SORCS3: variants seen among roughly 807,000 people sequenced by gnomAD.
SORCS3 encodes VPS10 domain-containing receptor SorCS3.
A neutral mutation model predicts 146.3 loss-of-function variants in SORCS3; 57 were observed. That is an observed-to-expected ratio of 0.39 (90% confidence interval 0.31 to 0.49). The LOEUF (loss-of-function observed/expected upper bound fraction) is 0.49. Among genes scored for constraint, SORCS3 ranks in the 20% least tolerant of loss-of-function variants. The pLI is 0.92. For missense variants in SORCS3, 1,341 were observed against 1,575.5 expected (o/e 0.85, Z 2.52); for synonymous variants, 653 against 618.5 (o/e 1.06, Z -0.83).
At chr10:104,975,444 A>G (rs563699816) in intron 3 of SORCS3, among the ~76,000 whole-genome samples, 1 of 152,328 alleles carries the variant, frequency 6.6e-6, no homozygotes, top group Non-Finnish European at 1.5e-5. Flanking sequence ...TTCCATGCTC[A>G]TGGGTAGGAA....
chr10:105,083,486 A>T (rs1345909883), intron 5 of SORCS3, among the ~76,000 whole-genome samples: 1 of 152,114 alleles, frequency 6.6e-6, no homozygotes, highest in East Asian at 1.9e-4. Flanking sequence ...TGCTTGGCAT[A>T]TCTGAGCAGG....
chr10:104,752,181 C>T (rs1043690431), intron 1 of SORCS3, among the ~76,000 whole-genome samples: 3 of 150,816 alleles, frequency 2.0e-5, no homozygotes, highest in Non-Finnish European at 3.0e-5. Context: ...ATTACAAGTG[C>T]CTGCCACCAT....
rs1357306819 is a variant in SORCS3, at chr10:104,862,465, A to G, written c.695+19606A>G. The stretch of plus-strand genomic sequence containing the variant: ...TAAGCAGATAAGTGACATTTAATGA[A>G]TGTTTCACAAGTTTATTATAAAATT... On this transcript the variant is annotated intron_variant, in intron 2 of 26. Coordinates refer to ENST00000369701, the MANE Select transcript of SORCS3 (RefSeq NM_014978.3). 2.0e-5 allele frequency among the ~76,000 whole-genome samples: 3 copies of G among 152,152 alleles called. No homozygotes were observed. The East Asian group carries it at 5.8e-4, about 29-fold the overall frequency.
At chr10:104,837,552 T>C (rs886368723) in intron 1 of SORCS3, among the ~76,000 whole-genome samples, 1 of 152,214 alleles carries the variant, frequency 6.6e-6, no homozygotes, top group African/African-American at 2.4e-5. Context: ...AAAAGGTACT[T>C]ATTTGACAAA....
At chr10:105,232,386 T>C (rs1202194157) in intron 20 of SORCS3, among the ~76,000 whole-genome samples, 2 of 152,078 alleles carry the variant, frequency 1.3e-5, no homozygotes, top group Non-Finnish European at 2.9e-5. Context: ...TGTAGTGATG[T>C]CCCCTCTTTC....
At chr10:105,021,807 A>G (rs868013833) in intron 4 of SORCS3, among the ~76,000 whole-genome samples, 1 of 152,334 alleles carries the variant, frequency 6.6e-6, no homozygotes, top group African/African-American at 2.4e-5. Flanking sequence ...GAGAAATTTC[A>G]TAATTTTAAA....
chr10:104,846,403 C>T (rs2018205122), intron 2 of SORCS3, among the ~76,000 whole-genome samples: 3 of 152,142 alleles, frequency 2.0e-5, no homozygotes, highest in South Asian at 2.1e-4. Context: ...ATTAAACATG[C>T]ACCCTTTCAG....
At chr10:104,746,934 A>G (rs2016918123) in intron 1 of SORCS3, among the ~76,000 whole-genome samples, 1 of 152,240 alleles carries the variant, frequency 6.6e-6, no homozygotes, top group African/African-American at 2.4e-5. Context: ...TAATCTTCAG[A>G]ATGACTATGA....
intron 1 of SORCS3, among the ~76,000 whole-genome samples, chr10:104,689,578 C>T (rs1262240930): frequency 6.6e-6 from 1 of 152,088 alleles, no homozygotes; most frequent in Non-Finnish European, 1.5e-5. Context: ...TCAGAGTAGC[C>T]CTCCCTGACT....
At chr10:104,816,798 A>C (rs562346963) in intron 1 of SORCS3, among the ~76,000 whole-genome samples, 2 of 152,274 alleles carry the variant, frequency 1.3e-5, no homozygotes, top group South Asian at 4.1e-4. Context: ...TGGAAACAAA[A>C]CCTAGCTTGC....
At chr10:105,201,941 A>G (rs1162131140) in intron 16 of SORCS3, among the ~76,000 whole-genome samples, 1 of 152,148 alleles carries the variant, frequency 6.6e-6, no homozygotes, top group Non-Finnish European at 1.5e-5. Context: ...AATAAAACAC[A>G]CAGCTATCCA....
At chr10:104,927,553 C>A (rs1026291270) in intron 3 of SORCS3, among the ~76,000 whole-genome samples, 1 of 152,132 alleles carries the variant, frequency 6.6e-6, no homozygotes, top group African/African-American at 2.4e-5. Flanking sequence ...CAGTGGAGAT[C>A]ATGGGAGTTT....
intron 1 of SORCS3, among the ~76,000 whole-genome samples, chr10:104,670,750 G>T (rs918210615): frequency 4.6e-5 from 7 of 152,212 alleles, no homozygotes; most frequent in Admixed American, 2.6e-4. Context: ...GATTGCATTG[G>T]ATCTGTAGAT....
At chr10:105,050,496 C>T (rs2055403223) in intron 5 of SORCS3, among the ~76,000 whole-genome samples, 1 of 152,066 alleles carries the variant, frequency 6.6e-6, no homozygotes, top group Admixed American at 6.6e-5. Context: ...CAGCTTAGTT[C>T]TAATGCAGAA....
chr10:104,791,134 A>G (rs2017491349), intron 1 of SORCS3, among the ~76,000 whole-genome samples: 1 of 152,192 alleles, frequency 6.6e-6, no homozygotes, highest in African/African-American at 2.4e-5. Flanking sequence ...TAAAGAAAGA[A>G]CGTGAAAGAA....
At chr10:104,767,556 C>T (rs2017194824) in intron 1 of SORCS3, among the ~76,000 whole-genome samples, 1 of 148,200 alleles carries the variant, frequency 6.7e-6, no homozygotes, top group African/African-American at 2.5e-5. Flanking sequence ...TCTCCCCCTT[C>T]CCCCTTTCCC....
chr10:105,205,954 C>T (rs977133486), intron 16 of SORCS3, among the ~76,000 whole-genome samples: 1 of 152,188 alleles, frequency 6.6e-6, no homozygotes, highest in Non-Finnish European at 1.5e-5. Context: ...CTCCATGTCC[C>T]ATATGGCACT....
intron 4 of SORCS3, among the ~76,000 whole-genome samples, chr10:104,987,593 GTTT>G (rs1038675210): frequency 7.6e-4 from 115 of 152,018 alleles, no homozygotes; most frequent in African/African-American, 2.6e-3. Flanking sequence ...TTTCTTCAGC[GTTT>G]TTTTCACTGT....
At chr10:105,230,414 G>A (rs2056759705) in intron 20 of SORCS3, among the ~76,000 whole-genome samples, 1 of 152,076 alleles carries the variant, frequency 6.6e-6, no homozygotes, top group South Asian at 2.1e-4. Context: ...TTTAGTGGCA[G>A]CCATAGTCAG....
Sources: allele counts gnomAD v4.1 joint callset (sites outside exome capture counted in the v4.1 genomes callset), GRCh38; gene constraint gnomAD v4.1.1; transcripts MANE v1.5; gene names NCBI Gene and HGNC (gene_info 2026-07-23, HGNC 2026-07-21).